Variants in PAK4 observed in about 807,000 individuals in gnomAD.
PAK4 encodes the protein p21 (RAC1) activated kinase 4.
A neutral mutation model predicts 53.5 loss-of-function variants in PAK4; 49 were observed. The ratio of observed to expected loss-of-function variants is 0.92; its 90% CI spans 0.73 to 1.16. The LOEUF (loss-of-function observed/expected upper bound fraction) is 1.16, where lower values mean the gene tolerates loss of function less well. Among genes scored for constraint, PAK4 ranks in the 50% most tolerant of loss-of-function variants. The pLI is 0.00. For missense variants in PAK4, 824 were observed against 850.7 expected (o/e 0.97, Z 0.39); for synonymous variants, 376 against 375.6 (o/e 1.00, Z -0.01).
intron 1 of PAK4, among the ~76,000 whole-genome samples, chr19:39,129,491 T>C (rs892467028): frequency 3.3e-5 from 5 of 152,172 alleles, no homozygotes; most frequent in African/African-American, 1.2e-4. Context: ...TGCCAAGTCA[T>C]GCCCCCAGTG....
chr19:39,160,857 C>T (rs142481188), intron 1 of PAK4, among the ~76,000 whole-genome samples: 2 of 152,376 alleles, frequency 1.3e-5, no homozygotes, highest in East Asian at 3.9e-4. Flanking sequence ...TTGTCCCTTC[C>T]TGTTTTTGTC....
chr19:39,135,785 G>A (rs1054588838), intron 1 of PAK4, among the ~76,000 whole-genome samples: 6 of 135,652 alleles, frequency 4.4e-5, no homozygotes, highest in African/African-American at 1.3e-4. Flanking sequence ...GGAGGCTCCC[G>A]GCCCCCATCT....
chr19:39,175,837 A>G lies in PAK4; in HGVS notation c.1359+399A>G, dbSNP rs1425665613. The stretch of plus-strand genomic sequence containing the variant: ...TTCCAAATCTGAGGCTGTGACAATT[A>G]TAACGTCGGGTGGACATGATTTTCT... On this transcript the variant is annotated intron_variant, in intron 6 of 8. Coordinates refer to ENST00000358301, the Ensembl canonical transcript of PAK4. This position sits in a 1 kb window ranked among gnomAD's most constrained non-coding sequence, Gnocchi z 4.7. 6.6e-6 allele frequency among the ~76,000 whole-genome samples: 1 copy of G among 152,256 alleles called. No individual in the cohort carries two copies. The highest frequency in any genetic ancestry group is 6.5e-5 in the Admixed American group (1 of 15,290).
At chr19:39,156,181 G>C (rs931880698) in intron 1 of PAK4, among the ~76,000 whole-genome samples, 3 of 152,156 alleles carry the variant, frequency 2.0e-5, no homozygotes, top group African/African-American at 7.2e-5. Context: ...CTTTCCTCCA[G>C]CCCATGCTGG....
In PAK4 at chr19:39,173,368, G is replaced by C. The variant is rs200780929; in HGVS notation, c.655G>C (p.Gly219Arg). Reference sequence around the variant, plus strand: ...GGCTGACACGGACCACCCATCCCGGGGTGCCCAGGTAACCCATCCCCCGCC... The same window carrying C: ...GGCTGACACGGACCACCCATCCCGGCGTGCCCAGGTAACCCATCCCCCGCC... The change falls in exon 3 of 9, where the codon GGT becomes CGT. Residue 219 changes from glycine (G) to arginine (R), a missense_variant. By Grantham distance (125) the Gly-to-Arg change is moderately radical. Around this residue, in one of 2 missense-constraint regions of PAK4, gnomAD observed 478 missense variants for 435.8 expected, o/e 1.10. Transcript: ENST00000358301. The surrounding 1 kb of genome is among the most constrained non-coding windows in gnomAD (Gnocchi z 6.9). 14 of 1,528,730 alleles carry C rather than the reference G, an allele frequency of 9.2e-6. No individual in the cohort carries two copies. The African/African-American group carries it at 1.7e-4, about 18-fold the overall frequency. The allele number at this position is 1,528,730 out of a possible 1,614,324, so 94.7% of individuals were successfully genotyped here. A position where few individuals can be genotyped will look rare whatever the true frequency, so the allele number is the denominator to read the frequency against.
At chr19:39,151,915 T>G (rs2074099401) in intron 1 of PAK4, among the ~76,000 whole-genome samples, 1 of 152,148 alleles carries the variant, frequency 6.6e-6, no homozygotes, top group African/African-American at 2.4e-5. Context: ...ATTACAGGCA[T>G]GCGCCACCAC....
chr19:39,164,324 GCCATATATGT>G (rs2074334380), intron 1 of PAK4, among the ~76,000 whole-genome samples: 1 of 149,596 alleles, frequency 6.7e-6, no homozygotes, highest in African/African-American at 2.5e-5. Flanking sequence ...ACACAAGCAC[GCCATATATGT>G]GGTAAGAGCC....
chr19:39,138,850 G>T (rs1454812958), intron 1 of PAK4, among the ~76,000 whole-genome samples: 1 of 152,222 alleles, frequency 6.6e-6, no homozygotes, highest in African/African-American at 2.4e-5. Context: ...AAGCAGCTCA[G>T]CTGGGGTCTC....
intron 2 of PAK4, among the ~76,000 whole-genome samples, chr19:39,170,944 C>T (rs1010665367): frequency 4.6e-5 from 7 of 152,238 alleles, no homozygotes; most frequent in Non-Finnish European, 1.0e-4. Flanking sequence ...AGGCCGCACC[C>T]GACCCACCTC....
intron 1 of PAK4, among the ~76,000 whole-genome samples, chr19:39,160,813 T>A (rs2074272140): frequency 6.6e-6 from 1 of 152,248 alleles, no homozygotes; most frequent in Admixed American, 6.5e-5. Context: ...CCACGGTGGC[T>A]TTTCTGGTCT....
Position 39,175,190 on chromosome 19 carries a change from C to T in PAK4, c.1233-122C>T, listed in dbSNP as rs1201210716. The T allele has an allele frequency of 6.8e-7, 1 of 1,474,422 alleles. No homozygotes were observed. Among genetic ancestry groups the T allele is most frequent in the South Asian group, 1.3e-5 (1 of 78,616 alleles). The allele number at this position is 1,474,422 out of a possible 1,614,324, so 91.3% of individuals were successfully genotyped here. A position where few individuals can be genotyped will look rare whatever the true frequency, so the allele number is the denominator to read the frequency against. On this transcript the variant is annotated intron_variant, in intron 5 of 8. Transcript: ENST00000358301. The surrounding 1 kb of genome is among the most constrained non-coding windows in gnomAD (Gnocchi z 4.7). ...TGGGATGGGGTCGTGTCTTCCATTCCTCCCACTCCAGAGTGGGGTCGAGTG... is the reference window on the plus strand; with the variant it reads ...TGGGATGGGGTCGTGTCTTCCATTCTTCCCACTCCAGAGTGGGGTCGAGTG...
intron 1 of PAK4, among the ~76,000 whole-genome samples, chr19:39,130,111 G>T (rs2073672747): frequency 1.3e-5 from 2 of 150,964 alleles, no homozygotes; most frequent in East Asian, 2.0e-4. Context: ...CCAGGCAGAA[G>T]GGTCAGGGCG....
chr19:39,171,109 G>T (rs1412565728), intron 2 of PAK4, among the ~76,000 whole-genome samples: 1 of 152,230 alleles, frequency 6.6e-6, no homozygotes, highest in East Asian at 1.9e-4. Context: ...TCACACATGG[G>T]GCCTTGTGGC....
intron 2 of PAK4, 25 bp from the exon 4 acceptor site, chr19:39,172,893 C>G: frequency 1.3e-6 from 2 of 1,505,834 alleles, no homozygotes; most frequent in Non-Finnish European, 1.8e-6. Context: ...GCTGGGCCCC[C>G]ACCCACCATT....
At chr19:39,174,377 G>T (rs2074558796) in intron 4 of PAK4, among the ~76,000 whole-genome samples, 1 of 151,538 alleles carries the variant, frequency 6.6e-6, no homozygotes, top group Non-Finnish European at 1.5e-5. Context: ...CCACTCCTGG[G>T]TGTCCCTCGG....
rs1009051902 is a variant in PAK4, at chr19:39,165,418, G to A, written c.-22-4114G>A. 6.0e-5 allele frequency among the ~76,000 whole-genome samples: 9 copies of A among 150,050 alleles called. 1 individual carries two copies. Among genetic ancestry groups the A allele is most frequent in the African/African-American group, 1.9e-4 (8 of 41,122 alleles). On this transcript the variant is annotated intron_variant, in intron 1 of 8. Transcript: ENST00000358301. Reference sequence around the variant, plus strand: ...TAGTCCCAGCTACTGGGGAGGCTGAGGCAGGAGAATGGCGCAAACCCGGGA... The same window carrying A: ...TAGTCCCAGCTACTGGGGAGGCTGAAGCAGGAGAATGGCGCAAACCCGGGA...
chr19:39,182,089 A>G (rs937489647), downstream of PAK4: 6 of 152,166 alleles, frequency 3.9e-5, no homozygotes, highest in African/African-American at 1.4e-4. Context: ...GCGATCCACG[A>G]CTGCCCTCCC....
chr19:39,151,575 C>T (rs549928829), intron 1 of PAK4, among the ~76,000 whole-genome samples: 59 of 152,296 alleles, frequency 3.9e-4, no homozygotes, highest in African/African-American at 5.8e-4. Flanking sequence ...CACTCTGGCC[C>T]GATGGGGACT....
chr19:39,170,811 T>C (rs2074464208), intron 2 of PAK4, among the ~76,000 whole-genome samples: 1 of 152,248 alleles, frequency 6.6e-6, no homozygotes, highest in Non-Finnish European at 1.5e-5. Context: ...CTTTGACTTC[T>C]TTGCCTCCAC....
Sources: allele counts gnomAD v4.1 joint callset (sites outside exome capture counted in the v4.1 genomes callset), GRCh38; gene constraint gnomAD v4.1.1; regional missense constraint gnomAD v4.1.1; non-coding constraint Gnocchi (gnomAD v3.1); transcripts MANE v1.5; gene names NCBI Gene and HGNC (gene_info 2026-07-23, HGNC 2026-07-21).